The following MEF2C variants were observed in gnomAD, a reference collection of about 807,000 sequenced individuals.
The protein encoded by MEF2C is myocyte enhancer factor 2C.
Under a neutral mutation model 50.5 loss-of-function variants are expected in MEF2C, and 6 were observed. The observed-to-expected ratio is 0.12, with a 90% CI of 0.07 to 0.23. The LOEUF (loss-of-function observed/expected upper bound fraction) is 0.23. Among genes scored for constraint, MEF2C ranks in the 10% least tolerant of loss-of-function variants. The pLI is 1.00. For synonymous variants in MEF2C, 183 were observed against 228.0 expected (o/e 0.80, Z 1.78); for missense variants, 276 against 605.0 (o/e 0.46, Z 5.70).
rs542636351 is a variant in MEF2C, at chr5:88,814,700, T to C, written c.54+9035A>G. 4.6e-5 allele frequency among the ~76,000 whole-genome samples: 7 copies of C among 152,118 alleles called. No individual in the cohort carries two copies. The South Asian group carries it at 1.5e-3, about 32-fold the overall frequency. Reference sequence around the variant, plus strand: ...AAATCCCAAAATAAAACTCCAAATCTTATGCATTGGAGGGAAAATAATAAA... The same window carrying C: ...AAATCCCAAAATAAAACTCCAAATCCTATGCATTGGAGGGAAAATAATAAA... On this transcript the variant is annotated intron_variant, in intron 2 of 10. Transcript: ENST00000504921.
chr5:88,899,595 T>C (rs1429582548), intron 1 of MEF2C, among the ~76,000 whole-genome samples: 1 of 152,088 alleles, frequency 6.6e-6, no homozygotes, highest in East Asian at 1.9e-4. Flanking sequence ...AAGAACACTC[T>C]TTAACTCTAA....
chr5:88,844,819 T>G (rs2153352967), intron 1 of MEF2C, among the ~76,000 whole-genome samples: 1 of 152,342 alleles, frequency 6.6e-6, no homozygotes, highest in South Asian at 2.1e-4. Context: ...ATGTCAGTAA[T>G]GTAAACATAA....
At chr5:88,771,575 A>G (rs1348959096) in intron 3 of MEF2C, 3 of 985,424 alleles carry the variant, frequency 3.0e-6, no homozygotes, top group Non-Finnish European at 3.6e-6. Flanking sequence ...GTTCTGTGAA[A>G]AATGGGCATC....
intron 1 of MEF2C, among the ~76,000 whole-genome samples, chr5:88,830,277 C>T (rs1447509883): frequency 2.0e-5 from 3 of 151,992 alleles, no homozygotes; most frequent in Non-Finnish European, 4.4e-5. Flanking sequence ...TCTAGTCCTA[C>T]TTTAATATCT....
intron 2 of MEF2C, among the ~76,000 whole-genome samples, chr5:88,816,465 CTTTTTTTTT>C (rs70996497): frequency 1.2e-5 from 1 of 86,134 alleles, no homozygotes; most frequent in African/African-American, 4.7e-5. Flanking sequence ...CTGCCTACTG[CTTTTTTTTT>C]TTTTTTTTTT....
chr5:88,740,484 C>T (rs900917343), intron 6 of MEF2C: 5 of 983,906 alleles, frequency 5.1e-6, no homozygotes, highest in Non-Finnish European at 6.0e-6. Context: ...CAGCTTTTGA[C>T]AGATGAGGAA....
intron 6 of MEF2C, among the ~76,000 whole-genome samples, chr5:88,732,122 T>C (rs952454751): frequency 2.6e-5 from 4 of 152,174 alleles, no homozygotes; most frequent in African/African-American, 4.8e-5. Context: ...AGAGCCAATA[T>C]ACATCAACTT....
At chr5:88,765,295 A>G (rs1399148681) in intron 3 of MEF2C, among the ~76,000 whole-genome samples, 1 of 152,230 alleles carries the variant, frequency 6.6e-6, no homozygotes, top group East Asian at 1.9e-4. Flanking sequence ...CATTGAAAAA[A>G]ATGTTCAAAA....
At chr5:88,784,519 ACT>A (rs1205526424) in intron 3 of MEF2C, among the ~76,000 whole-genome samples, 11 of 152,198 alleles carry the variant, frequency 7.2e-5, no homozygotes, top group African/African-American at 2.4e-4. Flanking sequence ...TTCACGTAGT[ACT>A]CTTTCTGTAT....
In MEF2C at chr5:88,851,134, G is replaced by A. The variant is rs535357399; in HGVS notation, c.-142-27204C>T. On this transcript the variant is annotated intron_variant, in intron 1 of 10. Coordinates refer to ENST00000504921, the MANE Select transcript of MEF2C (RefSeq NM_002397.5). ...TGTGGTCCCAGCTACTCAGGAAGCT[G>A]AGGCAGAAGAATCACTTGAACCCGG... 2.6e-4 allele frequency among the ~76,000 whole-genome samples: 40 copies of A among 151,340 alleles called. 2 individuals are homozygous for A. The South Asian group carries it at 8.1e-3, about 31-fold the overall frequency.
At chr5:88,851,275 A>G (rs1821260799) in intron 1 of MEF2C, among the ~76,000 whole-genome samples, 1 of 151,834 alleles carries the variant, frequency 6.6e-6, no homozygotes, top group African/African-American at 2.4e-5. Context: ...TAATACATAT[A>G]ACACACAAAG....
At chr5:88,863,853 G>C (rs1344931604) in intron 1 of MEF2C, among the ~76,000 whole-genome samples, 1 of 145,850 alleles carries the variant, frequency 6.9e-6, no homozygotes, top group East Asian at 2.0e-4. Context: ...AGAGAGCCTC[G>C]CTCTGTCTCT....
chr5:88,878,587 T>A (rs1416768969), intron 1 of MEF2C, among the ~76,000 whole-genome samples: 2 of 152,060 alleles, frequency 1.3e-5, no homozygotes, highest in African/African-American at 4.8e-5. Flanking sequence ...TAGAATAATA[T>A]GTTTCCTTCC....
intron 1 of MEF2C, among the ~76,000 whole-genome samples, chr5:88,903,343 CTTTTA>C (rs1392694470): frequency 1.3e-3 from 194 of 151,848 alleles, no homozygotes; most frequent in African/African-American, 4.2e-3. Flanking sequence ...ATACAATTTA[CTTTTA>C]TTTAATTATT....
intron 1 of MEF2C, among the ~76,000 whole-genome samples, chr5:88,850,333 T>C (rs1820867213): frequency 6.6e-6 from 1 of 152,234 alleles, no homozygotes; most frequent in African/African-American, 2.4e-5. Context: ...CTTTGTAGTA[T>C]TATGCCCATT....
At chr5:88,870,434 C>T (rs1829152756) in intron 1 of MEF2C, among the ~76,000 whole-genome samples, 2 of 152,002 alleles carry the variant, frequency 1.3e-5, no homozygotes, top group African/African-American at 4.8e-5. Flanking sequence ...TTTCATAAAC[C>T]GAACCCTGTT....
At chr5:88,745,117 G>T (rs1377471695) in intron 6 of MEF2C, among the ~76,000 whole-genome samples, 1 of 152,070 alleles carries the variant, frequency 6.6e-6, no homozygotes, top group African/African-American at 2.4e-5. Context: ...AAAACTTCAT[G>T]GCTAGAAGAT....
At chr5:88,758,992 A>T (rs1776629512) in intron 4 of MEF2C, among the ~76,000 whole-genome samples, 1 of 152,156 alleles carries the variant, frequency 6.6e-6, no homozygotes, top group Non-Finnish European at 1.5e-5. Context: ...TTAAAACTCC[A>T]CCTATATGAT....
At chr5:88,737,132 G>C (rs1764461840) in intron 6 of MEF2C, 1 of 985,188 alleles carries the variant, frequency 1.0e-6, no homozygotes, top group South Asian at 4.7e-5. Flanking sequence ...GTTATTGAGG[G>C]ACAATGAGGT....
Sources: gnomAD v4.1 joint callset for allele counts (sites outside exome capture counted in the v4.1 genomes callset) on GRCh38, gnomAD v4.1.1 for gene constraint, MANE v1.5 for transcripts, NCBI Gene and HGNC (gene_info 2026-07-23, HGNC 2026-07-21) for gene names.